The following AKAP7 variants were observed in gnomAD, a reference collection of about 807,000 sequenced individuals.
The protein encoded by AKAP7 is A kinase (PRKA) anchor protein 7.
Under a neutral mutation model 39.5 loss-of-function variants are expected in AKAP7, and 39 were observed. That is an observed-to-expected ratio of 0.99 (90% confidence interval 0.76 to 1.29). The LOEUF is 1.29. AKAP7 is among the 50% of genes most tolerant of loss of function. The probability of loss-of-function intolerance (pLI) is 0.00; values close to 1 mark genes in which losing one functional copy is unlikely to be tolerated. For missense variants in AKAP7, 414 were observed against 407.7 expected (o/e 1.02, Z -0.13); for synonymous variants, 140 against 139.1 (o/e 1.01, Z -0.05).
intron 7 of AKAP7, among the ~76,000 whole-genome samples, chr6:131,247,237 A>G (rs1223713186): frequency 7.2e-6 from 1 of 138,644 alleles, no homozygotes; most frequent in Non-Finnish European, 1.5e-5. Context: ...ATTCATGCAG[A>G]ATATCTTGAT....
chr6:131,250,355 G>C, intron 7 of AKAP7: 1 of 1,380,290 alleles, frequency 7.2e-7, no homozygotes. Flanking sequence ...CATTAGGCTG[G>C]AGGACTGGAG....
chr6:131,262,604 A>G (rs190922356), intron 7 of AKAP7, among the ~76,000 whole-genome samples: 1 of 151,888 alleles, frequency 6.6e-6, no homozygotes, highest in East Asian at 1.9e-4. Flanking sequence ...TTCAAAAGAA[A>G]TAATTTTTAA....
chr6:131,240,771 G>A (rs1294037494), intron 7 of AKAP7, among the ~76,000 whole-genome samples: 1 of 152,198 alleles, frequency 6.6e-6, no homozygotes, highest in African/African-American at 2.4e-5. Flanking sequence ...CAGTATTAGG[G>A]TGGGAGTGAC....
intron 5 of AKAP7, among the ~76,000 whole-genome samples, chr6:131,184,155 G>T (rs1805575076): frequency 6.6e-6 from 1 of 152,230 alleles, no homozygotes; most frequent in Non-Finnish European, 1.5e-5. Flanking sequence ...GGCCAGAGGT[G>T]GCCAGAGCTG....
At chr6:131,167,509 T>A (rs893552297) in intron 4 of AKAP7, among the ~76,000 whole-genome samples, 1 of 152,222 alleles carries the variant, frequency 6.6e-6, no homozygotes, top group Non-Finnish European at 1.5e-5. Context: ...TGTTATCACA[T>A]GCTTTAATTC....
intron 7 of AKAP7, among the ~76,000 whole-genome samples, chr6:131,244,473 C>T (rs1811844087): frequency 1.3e-5 from 2 of 152,128 alleles, no homozygotes; most frequent in Non-Finnish European, 2.9e-5. Context: ...ACTTGTCAGC[C>T]CATCTTTCAG....
chr6:131,171,319 C>T (rs937024101), intron 5 of AKAP7, among the ~76,000 whole-genome samples: 5 of 151,898 alleles, frequency 3.3e-5, no homozygotes, highest in African/African-American at 9.7e-5. Flanking sequence ...GAGAAGGGGG[C>T]GGATTGAGGA....
intron 7 of AKAP7, among the ~76,000 whole-genome samples, chr6:131,265,237 C>T (rs1452021454): frequency 2.0e-5 from 3 of 152,220 alleles, no homozygotes; most frequent in East Asian, 1.9e-4. Context: ...CGGGTTCAAG[C>T]GATTCTCATG....
intron 7 of AKAP7, among the ~76,000 whole-genome samples, chr6:131,231,548 C>T (rs1810623061): frequency 6.6e-6 from 1 of 152,064 alleles, no homozygotes; most frequent in African/African-American, 2.4e-5. Flanking sequence ...GAAATTTTCT[C>T]TGTTAAAATT....
At chr6:131,208,160 G>A (rs1250701344) in intron 6 of AKAP7, among the ~76,000 whole-genome samples, 1 of 152,030 alleles carries the variant, frequency 6.6e-6, no homozygotes, top group Non-Finnish European at 1.5e-5. Flanking sequence ...TCTACTGTGT[G>A]TTAAAGAGCA....
chr6:131,184,946 C>T (rs1169705836), intron 5 of AKAP7: 1 of 800,704 alleles, frequency 1.2e-6, no homozygotes, highest in Non-Finnish European at 2.3e-6. Flanking sequence ...CCTTGGATTA[C>T]CCCTTTCCCC....
intron 3 of AKAP7, chr6:131,164,345 C>T (rs911861601): frequency 2.0e-5 from 9 of 454,758 alleles, no homozygotes; most frequent in South Asian, 1.2e-4. Flanking sequence ...ACTAGAATTG[C>T]ATCTAACTGG....
chr6:131,168,550 T>C (rs9385571), intron 4 of AKAP7, among the ~76,000 whole-genome samples: 51,875 of 152,074 alleles, frequency 0.34, 9,705 homozygotes, highest in East Asian at 0.76. Flanking sequence ...AGCTAAAGTA[T>C]ATATGGCAAA....
At chr6:131,240,218 A>C (rs1468182062) in intron 7 of AKAP7, among the ~76,000 whole-genome samples, 1 of 152,224 alleles carries the variant, frequency 6.6e-6, no homozygotes, top group Non-Finnish European at 1.5e-5. Flanking sequence ...GCTGCAGAAC[A>C]GCGGATATTG....
At chr6:131,212,762 TGA>T (rs1468411284) in intron 6 of AKAP7, among the ~76,000 whole-genome samples, 7 of 151,850 alleles carry the variant, frequency 4.6e-5, no homozygotes, top group Admixed American at 3.9e-4. Context: ...GGGGTTAGAA[TGA>T]GGGGGAGAAA....
chr6:131,144,530 A>C (rs1212718761), intron 1 of AKAP7, among the ~76,000 whole-genome samples: 2 of 152,214 alleles, frequency 1.3e-5, no homozygotes, highest in Non-Finnish European at 2.9e-5. Context: ...CTGTCAATAA[A>C]GGCATGGGTT....
In AKAP7 at chr6:131,281,522, G is replaced by T. The variant is rs1239983190; in HGVS notation, c.851-8G>T. The T allele has an allele frequency of 6.3e-7, 1 of 1,598,398 alleles. No homozygotes were observed. The highest frequency in any genetic ancestry group is 8.5e-7 in the Non-Finnish European group (1 of 1,172,334). Reference sequence around the variant, plus strand: ...TCAGTGACCTCTCTTCTCTATTGTGGAATGTAGGTGAAAAGAACGGAGGGG... The same window carrying T: ...TCAGTGACCTCTCTTCTCTATTGTGTAATGTAGGTGAAAAGAACGGAGGGG... On this transcript the variant is annotated splice_region_variant and splice_polypyrimidine_tract_variant and intron_variant, in intron 7 of 7. Transcript: ENST00000431975. The surrounding 1 kb of genome is among the most constrained non-coding windows in gnomAD (Gnocchi z 4.0).
intron 7 of AKAP7, among the ~76,000 whole-genome samples, chr6:131,230,841 C>CTATA (rs371778302): frequency 1.9e-3 from 290 of 152,232 alleles, no homozygotes; most frequent in African/African-American, 6.7e-3. Flanking sequence ...CTTGAAGAAA[C>CTATA]TATAGCTTGT....
At chr6:131,238,729 C>T (rs1301640971) in intron 7 of AKAP7, among the ~76,000 whole-genome samples, 1 of 152,138 alleles carries the variant, frequency 6.6e-6, no homozygotes, top group Admixed American at 6.6e-5. Context: ...AGGATTGCAA[C>T]CCCTGCCTTT....
Sources: gnomAD v4.1 joint callset for allele counts (sites outside exome capture counted in the v4.1 genomes callset) on GRCh38, gnomAD v4.1.1 for gene constraint, Gnocchi (gnomAD v3.1) non-coding constraint, MANE v1.5 for transcripts, NCBI Gene and HGNC (gene_info 2026-07-23, HGNC 2026-07-21) for gene names.